Variants in ELMO1 observed in about 807,000 individuals in gnomAD.
ELMO1 encodes the protein engulfment and cell motility 1, also known as engulfment and cell motility protein 1.
ELMO1 carries 26 observed loss-of-function variants against 98.9 expected under a neutral mutation model. That is an observed-to-expected ratio of 0.26 (90% CI 0.19 to 0.36). The LOEUF is 0.36. ELMO1 is among the 10% of genes least tolerant of loss of function. ELMO1 has a pLI of 1.00. For missense variants in ELMO1, 627 were observed against 935.2 expected, an observed-to-expected ratio of 0.67 and a Z score of 4.30; for synonymous variants, 346 against 346.0, an observed-to-expected ratio of 1.00 and a Z score of 0.00.
intron 14 of ELMO1, among the ~76,000 whole-genome samples, chr7:37,127,212 A>C (rs1786589119): frequency 1.3e-5 from 2 of 152,206 alleles, no homozygotes; most frequent in African/African-American, 4.8e-5. Context: ...CTTATTCCTT[A>C]AAATAGCATC....
At chr7:37,382,832 T>G (rs1346304788) in intron 1 of ELMO1, among the ~76,000 whole-genome samples, 1 of 152,070 alleles carries the variant, frequency 6.6e-6, no homozygotes, top group Non-Finnish European at 1.5e-5. Context: ...CTCCCAGGTG[T>G]ATGCATGCTG....
At chr7:36,908,612 A>C (rs1181247020) in intron 16 of ELMO1, among the ~76,000 whole-genome samples, 2 of 152,284 alleles carry the variant, frequency 1.3e-5, no homozygotes, top group Non-Finnish European at 2.9e-5. Flanking sequence ...GTAAAGTGAC[A>C]ATCAAAGCCG....
At chr7:37,135,844 T>C (rs1030508949) in intron 13 of ELMO1, among the ~76,000 whole-genome samples, 1 of 152,202 alleles carries the variant, frequency 6.6e-6, no homozygotes, top group Non-Finnish European at 1.5e-5. Context: ...AAGATCATAC[T>C]AGCTAACCAG....
rs1260491471 is a variant in ELMO1, at chr7:37,406,661, C to T, written c.-74+42014G>A. On this transcript the variant is annotated intron_variant, in intron 1 of 21. Coordinates refer to ENST00000310758, the MANE Select transcript of ELMO1 (RefSeq NM_014800.11). The stretch of plus-strand genomic sequence containing the variant: ...GTTTCACCGTGTTAGGCAGGATGGT[C>T]TCGAACTCCTGACCTTGTGATCTGC... Among the ~76,000 whole-genome samples, 8 of 151,798 alleles carry T rather than the reference C, an allele frequency of 5.3e-5. No individual in the cohort carries two copies. In the South Asian group the frequency reaches 6.2e-4, roughly 12 times the overall value.
intron 16 of ELMO1, among the ~76,000 whole-genome samples, chr7:36,923,730 T>A (rs1316902271): frequency 6.6e-6 from 1 of 152,176 alleles, no homozygotes. Context: ...GAAAGGAACA[T>A]AAATAATTCC....
intron 20 of ELMO1, among the ~76,000 whole-genome samples, chr7:36,866,914 G>A (rs902510461): frequency 6.6e-6 from 1 of 152,168 alleles, no homozygotes. Context: ...GGGTTGGGGG[G>A]TTCAGCAGGT....
At chr7:37,362,772 C>G (rs1019162264) in intron 1 of ELMO1, among the ~76,000 whole-genome samples, 1 of 152,316 alleles carries the variant, frequency 6.6e-6, no homozygotes, top group African/African-American at 2.4e-5. Flanking sequence ...TGTGGTACAC[C>G]TTTACACCAG....
intron 9 of ELMO1, 60 bp downstream of exon 9, chr7:37,224,819 C>T: frequency 1.3e-6 from 2 of 1,592,416 alleles, no homozygotes; most frequent in Non-Finnish European, 1.7e-6. Context: ...TTTCCCAGTG[C>T]ATTACCGTGG....
intron 14 of ELMO1, among the ~76,000 whole-genome samples, chr7:37,103,173 A>G (rs1784734214): frequency 6.6e-6 from 1 of 152,210 alleles, no homozygotes; most frequent in African/African-American, 2.4e-5. Context: ...ATAATTACAT[A>G]AACGCTTGTT....
chr7:37,037,733 C>T (rs1158269676), intron 15 of ELMO1, among the ~76,000 whole-genome samples: 1 of 152,154 alleles, frequency 6.6e-6, no homozygotes, highest in African/African-American at 2.4e-5. Context: ...CCCTCACCAA[C>T]CCAAAACATA....
At chr7:36,909,699 A>C (rs952841122) in intron 16 of ELMO1, among the ~76,000 whole-genome samples, 1 of 152,224 alleles carries the variant, frequency 6.6e-6, no homozygotes, top group African/African-American at 2.4e-5. Flanking sequence ...TATTTGCCTA[A>C]GTTTTGTTTT....
In ELMO1 at chr7:37,187,881, A is replaced by T. The variant is rs562288448; in HGVS notation, c.1086+23505T>A. ...ACGACACAAGGCCATTCTTCAAGGG[A>T]ACTCCCTGAATATCCCATTTCTAGA... On this transcript the variant is annotated intron_variant, in intron 13 of 21. Transcript: ENST00000310758. Among the ~76,000 whole-genome samples the T allele has an allele frequency of 4.6e-5, 7 of 152,240 alleles. No homozygotes were observed. In the South Asian group the frequency reaches 1.5e-3, roughly 32 times the overall value.
chr7:37,029,506 C>T (rs1794761394), intron 15 of ELMO1, among the ~76,000 whole-genome samples: 1 of 151,998 alleles, frequency 6.6e-6, no homozygotes, highest in South Asian at 2.1e-4. Flanking sequence ...CAACCAAACA[C>T]AACAGATGTT....
intron 14 of ELMO1, 41 bp downstream of exon 14, chr7:37,133,089 G>A: frequency 6.7e-7 from 1 of 1,500,514 alleles, no homozygotes; most frequent in Non-Finnish European, 9.2e-7. Flanking sequence ...TTAACATTGA[G>A]TAGGAAACAC....
intron 15 of ELMO1, among the ~76,000 whole-genome samples, chr7:37,089,152 G>A (rs929743053): frequency 1.3e-5 from 2 of 152,144 alleles, no homozygotes; most frequent in Non-Finnish European, 2.9e-5. Context: ...TATTCTAATT[G>A]CTGCTGCACT....
rs1055981500 is a variant in ELMO1, at chr7:37,202,911, G to A, written c.1086+8475C>T. Among the ~76,000 whole-genome samples the A allele has an allele frequency of 3.3e-4, 50 of 152,076 alleles. 1 individual carries two copies. Among genetic ancestry groups the A allele is most frequent in the Admixed American group, 2.8e-3 (42 of 15,266 alleles). The stretch of plus-strand genomic sequence containing the variant: ...TGTTTTCCATCTGAAAGACAAAACC[G>A]CCCATGGTTTTGGTTTGTTTCTCCC... On this transcript the variant is annotated intron_variant, in intron 13 of 21. Transcript: ENST00000310758.
Position 37,134,399 on chromosome 7 carries a change from G to T in ELMO1, c.1087-1165C>A, listed in dbSNP as rs140205761. ...ATAGTAAAACCCTGTCTCTACTAAA[G>T]ATACAAAAAATTAGCTGGGTGTGGT... On this transcript the variant is annotated intron_variant, in intron 13 of 21. Transcript: ENST00000310758. Among the ~76,000 whole-genome samples the T allele has an allele frequency of 2.8e-3, 418 of 151,798 alleles. 4 individuals are homozygous for T. Among genetic ancestry groups the T allele is most frequent in the Non-Finnish European group, 4.4e-3 (298 of 67,850 alleles).
intron 1 of ELMO1, among the ~76,000 whole-genome samples, chr7:37,415,688 T>A (rs972795501): frequency 2.6e-5 from 4 of 152,082 alleles, no homozygotes; most frequent in African/African-American, 9.7e-5. Flanking sequence ...GAAAAGAAAA[T>A]AATTAATGCA....
At position 37,349,727 on chromosome 7, in the gene ELMO1, T is replaced by C. The variant is rs1801172906; in HGVS notation, c.-73-6964A>G. 2.0e-5 allele frequency among the ~76,000 whole-genome samples: 3 copies of C among 152,186 alleles called. 1 individual carries two copies. The South Asian group carries it at 6.2e-4, about 32-fold the overall frequency. ...CCTCGGCCTCCCCAAGTGCTGGGATTATAGGCGTGAGCCACCACACCTGGC... is the reference window on the plus strand; with the variant it reads ...CCTCGGCCTCCCCAAGTGCTGGGATCATAGGCGTGAGCCACCACACCTGGC... On this transcript the variant is annotated intron_variant, in intron 1 of 21. Transcript: ENST00000310758.
Sources: allele counts gnomAD v4.1 joint callset (sites outside exome capture counted in the v4.1 genomes callset), GRCh38; gene constraint gnomAD v4.1.1; transcripts MANE v1.5; gene names NCBI Gene and HGNC (gene_info 2026-07-23, HGNC 2026-07-21).